Variants in TMEM132D observed in about 807,000 individuals in gnomAD.
TMEM132D encodes the protein mature OL transmembrane protein.
A neutral mutation model predicts 62.3 loss-of-function variants in TMEM132D; 21 were observed. That is an observed-to-expected ratio of 0.34 (90% CI 0.24 to 0.49). TMEM132D has a LOEUF of 0.49. Ranked by LOEUF, TMEM132D falls within the 20% of genes least tolerant of loss-of-function variation. The pLI is 0.99. For synonymous variants in TMEM132D, 621 were observed against 575.6 expected (o/e 1.08, Z -1.13); for missense variants, 1,346 against 1,402.8 (o/e 0.96, Z 0.65).
chr12:129,124,092 T>C (rs1876144083), intron 5 of TMEM132D, among the ~76,000 whole-genome samples: 1 of 152,174 alleles, frequency 6.6e-6, no homozygotes, highest in Non-Finnish European at 1.5e-5. Context: ...CCCCAACTAA[T>C]ACAGGTAGCC....
At chr12:129,603,265 T>C (rs1285309756) in intron 2 of TMEM132D, among the ~76,000 whole-genome samples, 2 of 152,068 alleles carry the variant, frequency 1.3e-5, no homozygotes, top group Non-Finnish European at 2.9e-5. Context: ...TCATACAGAG[T>C]AGATTCCCTG....
At chr12:129,076,603 C>T (rs1341669082) in intron 8 of TMEM132D, among the ~76,000 whole-genome samples, 3 of 152,192 alleles carry the variant, frequency 2.0e-5, no homozygotes, top group Non-Finnish European at 2.9e-5. Flanking sequence ...ATAACCTTGC[C>T]AAGGCACAGT....
chr12:129,805,129 C>T (rs112625385), intron 1 of TMEM132D, among the ~76,000 whole-genome samples: 95 of 151,006 alleles, frequency 6.3e-4, no homozygotes, highest in Middle Eastern at 6.8e-3. Context: ...AGGTCATTTA[C>T]AGATTCAATG....
At chr12:129,369,338 CTTGA>C (rs1870523713) in intron 3 of TMEM132D, among the ~76,000 whole-genome samples, 1 of 150,824 alleles carries the variant, frequency 6.6e-6, no homozygotes, top group Non-Finnish European at 1.5e-5. Context: ...TAAAATTTCA[CTTGA>C]TTAAATTTAT....
chr12:129,885,308 T>C (rs745691111), intron 1 of TMEM132D, among the ~76,000 whole-genome samples: 2 of 152,372 alleles, frequency 1.3e-5, no homozygotes, highest in South Asian at 2.1e-4. Context: ...CCACTCACCA[T>C]ATCTTCTTAT....
intron 3 of TMEM132D, among the ~76,000 whole-genome samples, chr12:129,496,338 T>C (rs1874955627): frequency 6.6e-6 from 1 of 152,186 alleles, no homozygotes; most frequent in East Asian, 1.9e-4. Context: ...AGAAGAGCCA[T>C]TCCCGACTGG....
At chr12:129,839,360 T>G (rs929554806) in intron 1 of TMEM132D, among the ~76,000 whole-genome samples, 1 of 151,634 alleles carries the variant, frequency 6.6e-6, no homozygotes, top group Non-Finnish European at 1.5e-5. Flanking sequence ...ACTCCTGACC[T>G]TGTGATCCGC....
chr12:129,273,871 T>G (rs1323282566), intron 4 of TMEM132D, among the ~76,000 whole-genome samples: 3 of 150,770 alleles, frequency 2.0e-5, no homozygotes, highest in Non-Finnish European at 4.4e-5. Flanking sequence ...AATATACCCA[T>G]ATAACACACC....
intron 2 of TMEM132D, among the ~76,000 whole-genome samples, chr12:129,563,481 A>T (rs1593067373): frequency 6.6e-6 from 1 of 152,298 alleles, no homozygotes; most frequent in African/African-American, 2.4e-5. Context: ...GAGTGGGAAG[A>T]CATGCTTAGA....
At chr12:129,440,109 C>T (rs1872899357) in intron 3 of TMEM132D, among the ~76,000 whole-genome samples, 1 of 152,192 alleles carries the variant, frequency 6.6e-6, no homozygotes. Flanking sequence ...TCATGAGCCT[C>T]CGTGATTCCA....
At position 129,700,375 on chromosome 12, in the gene TMEM132D, G is replaced by C. The variant is rs138159153; in HGVS notation, c.403C>G (p.Arg135Gly). The change falls in exon 2 of 9, where the codon CGG (arginine) becomes GGG (glycine). Residue 135 changes from arginine (R) to glycine (G), a missense_variant. Physicochemically the swap from Arg to Gly is moderately radical, Grantham distance 125. Transcript: ENST00000422113. Reference sequence around the variant, plus strand: ...GGCCGGCTCAGGTAGACTTTGTCCCGCAGGATGTGGGCTTTTAGTTTCCAG... The same window carrying C: ...GGCCGGCTCAGGTAGACTTTGTCCCCCAGGATGTGGGCTTTTAGTTTCCAG... ...LNWKLKAHIL[R>G]DKVYLSRPKV... The C allele has an allele frequency of 6.2e-7, 1 of 1,614,048 alleles. No individual in the cohort carries two copies. The highest frequency in any genetic ancestry group is 8.5e-7 in the Non-Finnish European group (1 of 1,180,050).
intron 2 of TMEM132D, among the ~76,000 whole-genome samples, chr12:129,665,939 G>A (rs1235835129): frequency 6.6e-6 from 1 of 152,008 alleles, no homozygotes; most frequent in Non-Finnish European, 1.5e-5. Flanking sequence ...GAAGCCCTGA[G>A]GGACCTTTAA....
intron 1 of TMEM132D, among the ~76,000 whole-genome samples, chr12:129,757,139 T>C (rs1870192184): frequency 6.6e-6 from 1 of 150,800 alleles, no homozygotes; most frequent in Non-Finnish European, 1.5e-5. Context: ...AGAAGAATGC[T>C]CTCCAATTTG....
chr12:129,687,271 T>C (rs1171672153), intron 2 of TMEM132D, among the ~76,000 whole-genome samples: 1 of 152,184 alleles, frequency 6.6e-6, no homozygotes, highest in Non-Finnish European at 1.5e-5. Flanking sequence ...AGGTCGAATG[T>C]ATGCAGGTAC....
intron 2 of TMEM132D, among the ~76,000 whole-genome samples, chr12:129,605,604 T>TATATACACAC (rs150550863): frequency 0.026 from 2,721 of 106,232 alleles, 92 homozygotes; most frequent in Admixed American, 0.038. Context: ...TATATATATA[T>TATATACACAC]ACACACACAT....
In TMEM132D at chr12:129,698,977, T is replaced by C. The variant is rs143057666; in HGVS notation, c.968+833A>G. Among the ~76,000 whole-genome samples the C allele has an allele frequency of 4.7e-3, 720 of 152,206 alleles. 3 individuals are homozygous for C. Among genetic ancestry groups the C allele is most frequent in the African/African-American group, 0.016 (673 of 41,532 alleles). On this transcript the variant is annotated intron_variant, in intron 2 of 8. Transcript: ENST00000422113. ...GAGTCATAACACACATTTTATTACA[T>C]TGCACATCAGGTCAAATTGTTGAGT...
At chr12:129,262,711 T>A (rs1648210035) in intron 4 of TMEM132D, 2 of 152,218 alleles carry the variant, frequency 1.3e-5, no homozygotes, top group African/African-American at 4.8e-5. Context: ...CCCTAGAGTC[T>A]CCAGTTTGTA....
intron 5 of TMEM132D, among the ~76,000 whole-genome samples, chr12:129,165,517 C>G (rs79488670): frequency 0.018 from 2,699 of 152,220 alleles, 84 homozygotes; most frequent in African/African-American, 0.062. Flanking sequence ...TGTGACAAAA[C>G]AAGCACAGCA....
At chr12:129,696,954 C>A (rs1881221844) in intron 2 of TMEM132D, among the ~76,000 whole-genome samples, 1 of 152,170 alleles carries the variant, frequency 6.6e-6, no homozygotes, top group South Asian at 2.1e-4. Flanking sequence ...AAAAGCCCCA[C>A]CTGGGTTTTC....
Sources: gnomAD v4.1 joint callset for allele counts (sites outside exome capture counted in the v4.1 genomes callset) on GRCh38, gnomAD v4.1.1 for gene constraint, MANE v1.5 for transcripts, NCBI Gene and HGNC (gene_info 2026-07-23, HGNC 2026-07-21) for gene names.